The following CROCC variants were observed in gnomAD, a reference collection of about 807,000 sequenced individuals.
CROCC encodes ciliary rootlet coiled-coil, rootletin.
A neutral mutation model predicts 245.2 loss-of-function variants in CROCC; 180 were observed. That is an observed-to-expected ratio of 0.73 (90% CI 0.65 to 0.83). The LOEUF is 0.83. CROCC is among the 40% of genes least tolerant of loss of function. The pLI is 0.00. For missense variants in CROCC, 2,688 were observed against 2,779.4 expected (o/e 0.97, Z 0.74); for synonymous variants, 1,205 against 1,241.6 (o/e 0.97, Z 0.62).
At chr1:16,951,394 G>C (rs2076157118) in intron 20 of CROCC, 2 of 288,422 alleles carry the variant, frequency 6.9e-6, no homozygotes, top group Admixed American at 1.0e-4. Flanking sequence ...CAGCAGGAAA[G>C]CACTTTCATT....
intron 16 of CROCC, 101 bp from the exon 17 acceptor site, chr1:16,946,660 G>C: frequency 7.8e-7 from 1 of 1,281,502 alleles, no homozygotes; most frequent in Non-Finnish European, 1.1e-6. Flanking sequence ...TTCCCTGGGA[G>C]CCTCCCCTGG....
chr1:16,948,186 C>T, intron 17 of CROCC, 145 bp from the exon 18 acceptor site: 1 of 1,393,802 alleles, frequency 7.2e-7, no homozygotes, highest in Admixed American at 3.0e-5. Flanking sequence ...ATGACTTGCC[C>T]AAGTACATGT....
upstream of CROCC, among the ~76,000 whole-genome samples, chr1:16,917,545 AAAT>A (rs2075321977): frequency 6.7e-6 from 1 of 149,640 alleles, no homozygotes; most frequent in Admixed American, 6.7e-5. Context: ...TTTGGTCACC[AAAT>A]AATGTCTCAG....
chr1:16,920,130 G>T (rs2075372908), upstream of CROCC, among the ~76,000 whole-genome samples: 1 of 152,186 alleles, frequency 6.6e-6, no homozygotes, highest in Admixed American at 6.5e-5. Context: ...CCAGGCTGGA[G>T]TGCAGTGGCA....
At chr1:16,969,757 C>T in intron 32 of CROCC, 28 bp from the exon 33 acceptor site, 1 of 1,600,440 alleles carries the variant, frequency 6.2e-7, no homozygotes, top group Non-Finnish European at 8.5e-7. Context: ...CCCAGGCCAG[C>T]CAGGCACCAT....
chr1:16,930,562 C>G lies in CROCC; in HGVS notation c.817C>G (p.His273Asp). 1 of 1,612,134 alleles carries G rather than the reference C, an allele frequency of 6.2e-7. No individual in the cohort carries two copies. The highest frequency in any genetic ancestry group is 2.2e-5 in the East Asian group (1 of 44,886). Reference sequence around the variant, plus strand: ...GACACGCTGCCGCAAGGAGCTGGAGCACCGGGAGGCGGCGTGGAGGCGCGA... The same window carrying G: ...GACACGCTGCCGCAAGGAGCTGGAGGACCGGGAGGCGGCGTGGAGGCGCGA... ...DWTRCRKELE[H>D]REAAWRREEE... Residue 273 changes from histidine (H) to aspartate (D), a missense_variant, in exon 7 of 37, where the codon CAC becomes GAC. Around this residue, in one of 9 missense-constraint regions of CROCC, gnomAD observed 972 missense variants for 895.3 expected, o/e 1.09. Coordinates refer to ENST00000375541, the MANE Select transcript of CROCC (RefSeq NM_014675.5).
chr1:16,972,650 C>A lies in CROCC; in HGVS notation c.*204C>A, dbSNP rs116688450. 5.4e-4 allele frequency: 271 copies of A among 505,310 alleles called. 1 individual carries two copies. Among genetic ancestry groups the A allele is most frequent in the African/African-American group, 4.9e-3 (242 of 49,810 alleles). The allele number at this position is 505,310 out of a possible 1,614,324, so 31.3% of individuals were successfully genotyped here. On this transcript the variant is annotated 3_prime_UTR_variant, in exon 37 of 37. Transcript: ENST00000375541. ...CCAGCAACACCTGCAGTCCAGCCCC[C>A]CTCTTCTAGGATGAGCCACTGTAGA...
At chr1:16,942,963 C>G (rs993486134) in intron 13 of CROCC, among the ~76,000 whole-genome samples, 5 of 152,254 alleles carry the variant, frequency 3.3e-5, no homozygotes, top group Non-Finnish European at 7.3e-5. Context: ...AAAAAATTGG[C>G]CGGGCACAGT....
In CROCC at chr1:16,965,740, A is replaced by G. The variant is rs2076405020; in HGVS notation, c.4423A>G (p.Asn1475Asp). ...APAEGSGEGL[N>D]SPSTLECSPG... ...TCTTCTAGGAAGCGGGGAAGGGCTCAACAGCCCCAGCACCTTAGAATGCAG... is the reference window on the plus strand; with the variant it reads ...TCTTCTAGGAAGCGGGGAAGGGCTCGACAGCCCCAGCACCTTAGAATGCAG... The change falls in exon 28 of 37, where the codon AAC becomes GAC. Residue 1475 changes from asparagine (N) to aspartate (D), a missense_variant. Transcript: ENST00000375541. The G allele has an allele frequency of 6.2e-7, 1 of 1,612,004 alleles. No homozygotes were observed.
upstream of CROCC, among the ~76,000 whole-genome samples, chr1:16,920,863 C>G (rs1223557920): frequency 2.6e-5 from 4 of 152,044 alleles, no homozygotes; most frequent in East Asian, 7.7e-4. Context: ...CCTGCCTCAG[C>G]CTCCCAAGTA....
chr1:16,949,201 C>T (rs1318749942), intron 19 of CROCC, among the ~76,000 whole-genome samples: 7 of 152,354 alleles, frequency 4.6e-5, no homozygotes, highest in South Asian at 2.1e-4. Flanking sequence ...GGCCGTGGCA[C>T]GGTGCCTGGC....
rs1283255795 is a variant in CROCC, at chr1:16,929,723, A to G, written c.352-123A>G. 2.1e-6 allele frequency: 3 copies of G among 1,422,600 alleles called. No homozygotes were observed. The African/African-American group carries it at 4.3e-5, about 20-fold the overall frequency. 88.1% of individuals were successfully genotyped at this position (1,422,600 alleles called of 1,614,324 possible). On this transcript the variant is annotated intron_variant, in intron 3 of 36. Coordinates refer to ENST00000375541, the MANE Select transcript of CROCC (RefSeq NM_014675.5). The stretch of plus-strand genomic sequence containing the variant: ...GGCTTGCCCACATGTGCTGCTCCCC[A>G]GGGCGCCAGGCTATCAGCCTACAAG...
In CROCC at chr1:16,969,161, G is replaced by C. The variant is rs2076469256; in HGVS notation, c.5122G>C (p.Glu1708Gln). 2.5e-6 allele frequency: 4 copies of C among 1,610,330 alleles called. No individual in the cohort carries two copies. The East Asian group carries it at 6.7e-5, about 27-fold the overall frequency. ...GGCAGGGACCCTGCAGCTGACCGTG[G>C]AGCGGCTGAATGGGGCCCTGGCTAA... is the stretch of plus-strand genomic sequence containing the variant. ...VKAGTLQLTVERLNGALAKVE... is the reference protein window; with the variant it reads ...VKAGTLQLTVQRLNGALAKVE... Residue 1708 changes from glutamate (E) to glutamine (Q), a missense_variant, in exon 32 of 37, where the codon GAG becomes CAG. By Grantham distance (29) the Glu-to-Gln change is conservative (BLOSUM62 2). Coordinates refer to ENST00000375541, the MANE Select transcript of CROCC (RefSeq NM_014675.5).
chr1:16,961,709 T>C (rs2076337574), intron 27 of CROCC, among the ~76,000 whole-genome samples: 2 of 152,214 alleles, frequency 1.3e-5, no homozygotes, highest in South Asian at 2.1e-4. Context: ...CCTCCTGGGC[T>C]CAAGTGATTC....
chr1:16,942,343 A>C (rs2075951844), intron 13 of CROCC, among the ~76,000 whole-genome samples: 1 of 152,270 alleles, frequency 6.6e-6, no homozygotes, highest in Non-Finnish European at 1.5e-5. Context: ...CTTAGCTGCC[A>C]GGTTGTTTTT....
At chr1:16,947,236 G>T (rs1349885919) in intron 17 of CROCC, among the ~76,000 whole-genome samples, 38 of 152,386 alleles carry the variant, frequency 2.5e-4, no homozygotes, top group African/African-American at 8.9e-4. Flanking sequence ...CAGCACTTTG[G>T]GAGGCCGAGG....
intron 1 of CROCC, among the ~76,000 whole-genome samples, chr1:16,922,383 G>A (rs185378858): frequency 1.6e-4 from 24 of 152,392 alleles, no homozygotes; most frequent in African/African-American, 4.8e-4. Flanking sequence ...GGTCGGAACC[G>A]GATTGGGGCC....
intron 34 of CROCC, 40 bp from the exon 35 acceptor site, chr1:16,970,596 T>TCC (rs1359758703): frequency 4.1e-5 from 61 of 1,500,066 alleles, no homozygotes; most frequent in Non-Finnish European, 5.4e-5. Flanking sequence ...CTCAGTAAGC[T>TCC]CCTCCTGGCA....
rs145341541 is a variant in CROCC at position 16,938,932 on chromosome 1, C to A, written c.1398C>A (p.Ser466Arg). The change falls in exon 12 of 37, where the codon AGC becomes AGA. Residue 466 changes from serine to arginine, a missense_variant. By Grantham distance (110) the Ser-to-Arg change is moderately radical. Around this residue, in one of 9 missense-constraint regions of CROCC, gnomAD observed 972 missense variants for 895.3 expected, o/e 1.09. Coordinates refer to ENST00000375541, the MANE Select transcript of CROCC (RefSeq NM_014675.5). ...LAQAVLSDSE[S>R]GVQLSGSERT... Reference sequence around the variant, plus strand: ...AGGCCGTCTTGTCAGACTCTGAGAGCGGCGTCCAGCTGAGCGGCTCTGAGC... The same window carrying A: ...AGGCCGTCTTGTCAGACTCTGAGAGAGGCGTCCAGCTGAGCGGCTCTGAGC... 1.9e-6 allele frequency: 3 copies of A among 1,601,470 alleles called. No individual in the cohort carries two copies. The East Asian group carries it at 6.8e-5, about 36-fold the overall frequency.
Sources: allele counts gnomAD v4.1 joint callset (sites outside exome capture counted in the v4.1 genomes callset), GRCh38; gene constraint gnomAD v4.1.1; regional missense constraint gnomAD v4.1.1; transcripts MANE v1.5; gene names NCBI Gene and HGNC (gene_info 2026-07-23, HGNC 2026-07-21).